Variants in SOD1 observed in about 807,000 individuals in gnomAD.
SOD1 encodes superoxide dismutase [Cu-Zn].
SOD1 carries 8 observed loss-of-function variants against 15.9 expected under a neutral mutation model. That is an observed-to-expected ratio of 0.50 (90% CI 0.30 to 0.91). The LOEUF is 0.91. SOD1 is among the 40% of genes least tolerant of loss of function. The pLI, the probability that SOD1 is intolerant of heterozygous loss-of-function variation, is 0.07. For missense variants in SOD1, 137 were observed against 194.5 expected, an observed-to-expected ratio of 0.70 and a Z score of 1.76; for synonymous variants, 86 against 71.2, an observed-to-expected ratio of 1.21 and a Z score of -1.04.
At chr21:31,666,883 C>T (rs374759511) in intron 3 of SOD1, 12 of 384,796 alleles carry the variant, frequency 3.1e-5, no homozygotes, top group African/African-American at 2.4e-4. Context: ...AAAATTGATA[C>T]TGAAAACTAG....
At chr21:31,663,723 G>A (rs2049568643) in intron 1 of SOD1, 67 bp from the exon 2 acceptor site, 2 of 1,234,574 alleles carry the variant, frequency 1.6e-6, no homozygotes. Flanking sequence ...TTCACTGTGA[G>A]GGGTAAAGGT....
intron 2 of SOD1, among the ~76,000 whole-genome samples, chr21:31,665,104 A>G (rs2049582016): frequency 6.6e-6 from 1 of 152,198 alleles, no homozygotes. Flanking sequence ...GTGGGACCAA[A>G]GTATGATACA....
intron 2 of SOD1, among the ~76,000 whole-genome samples, chr21:31,665,273 A>C (rs1398803699): frequency 6.6e-6 from 1 of 152,236 alleles, no homozygotes; most frequent in Non-Finnish European, 1.5e-5. Flanking sequence ...AAGCAAGTTA[A>C]CAGAAGTTTA....
rs1399270271 is a variant in SOD1, at chr21:31,661,073, C to T, written c.72+1232C>T. ...TGTCCCCAGAACCTTAGTGAAGTTACCAACTGGTGGAAAATTTTCTCTTGC... is the reference window on the plus strand; with the variant it reads ...TGTCCCCAGAACCTTAGTGAAGTTATCAACTGGTGGAAAATTTTCTCTTGC... On this transcript the variant is annotated intron_variant, in intron 1 of 4. Transcript: ENST00000270142. Among the ~76,000 whole-genome samples the T allele has an allele frequency of 5.3e-5, 8 of 152,242 alleles. No homozygotes were observed. In the East Asian group the frequency reaches 1.5e-3, roughly 29 times the overall value.
At position 31,659,854 on chromosome 21, in the gene SOD1, A is replaced by G. The variant is rs754347852; in HGVS notation, c.72+13A>G. 12 of 1,612,064 alleles carry G rather than the reference A, an allele frequency of 7.4e-6. No individual in the cohort carries two copies. The highest frequency in any genetic ancestry group is 7.6e-6 in the Non-Finnish European group (9 of 1,179,348). Reference sequence around the variant, plus strand: ...TTTCGAGCAGAAGGCAAGGGCTGGGACGGAGGCTTGTTTGCGAGGCCGCTC... The same window carrying G: ...TTTCGAGCAGAAGGCAAGGGCTGGGGCGGAGGCTTGTTTGCGAGGCCGCTC... On this transcript the variant is annotated intron_variant, in intron 1 of 4. Transcript: ENST00000270142.
At chr21:31,663,916 AC>A in intron 2 of SOD1, 30 bp downstream of exon 2, 5 of 1,496,314 alleles carry the variant, frequency 3.3e-6, no homozygotes, top group Non-Finnish European at 4.7e-6. Flanking sequence ...GGTGACCCAT[AC>A]TTGTTCACCC....
intron 3 of SOD1, 72 bp downstream of exon 3, chr21:31,666,590 T>C (rs766860898): frequency 1.1e-5 from 12 of 1,115,706 alleles, no homozygotes; most frequent in Non-Finnish European, 1.6e-5. Flanking sequence ...TACTTGTAAA[T>C]ATGTGCTAAG....
chr21:31,668,021 A>G (rs2049611870), intron 4 of SOD1, among the ~76,000 whole-genome samples: 1 of 152,118 alleles, frequency 6.6e-6, no homozygotes, highest in African/African-American at 2.4e-5. Flanking sequence ...TGCTTAAAGT[A>G]TTAAGATTTT....
chr21:31,659,889 C>T (rs540569412), intron 1 of SOD1, 48 bp downstream of exon 1: 87 of 1,576,052 alleles, frequency 5.5e-5, no homozygotes, highest in African/African-American at 1.2e-4. Context: ...CCCACCCGCT[C>T]GTCCCCCCGC....
intron 3 of SOD1, 149 bp from the exon 4 acceptor site, chr21:31,667,109 T>C: frequency 1.4e-6 from 1 of 692,404 alleles, no homozygotes; most frequent in South Asian, 1.6e-5. Context: ...TGTGTAGACG[T>C]GAAGCCTTGT....
chr21:31,659,787 G>A lies in SOD1; in HGVS notation c.18G>A (p.Val6=). Residue 6 remains valine, a synonymous_variant, in exon 1 of 5, where the codon GTG becomes GTA. Coordinates refer to ENST00000270142, the MANE Select transcript of SOD1 (RefSeq NM_000454.5). ...AGCGAGTTATGGCGACGAAGGCCGT[G>A]TGCGTGCTGAAGGGCGACGGCCCAG... MATKA[V]CVLKGDGPVQ... is the part of the protein sequence containing the mutation. The A allele has an allele frequency of 6.2e-7, 1 of 1,613,946 alleles. No individual in the cohort carries two copies.
chr21:31,664,731 GCCTCAGCC>G (rs754047065), intron 2 of SOD1, among the ~76,000 whole-genome samples: 40 of 152,004 alleles, frequency 2.6e-4, no homozygotes, highest in Non-Finnish European at 4.9e-4. Flanking sequence ...CCATTCTCCT[GCCTCAGCC>G]CCCTGAGTAG....
In SOD1 at chr21:31,668,561, A is replaced by G. The variant is rs1169917994; in HGVS notation, c.448A>G (p.Ile150Val). 2 of 1,613,636 alleles carry G rather than the reference A, an allele frequency of 1.2e-6. No individual in the cohort carries two copies. The highest frequency in any genetic ancestry group is 1.7e-6 in the Non-Finnish European group (2 of 1,179,516). ...TGGAAGTCGTTTGGCTTGTGGTGTA[A>G]TTGGGATCGCCCAATAAACATTCCC... Reference protein sequence around the residue: ...NAGSRLACGVIGIAQ With the variant: ...NAGSRLACGVVGIAQ Residue 150 changes from isoleucine to valine, a missense_variant, in exon 5 of 5, where the codon ATT becomes GTT. Coordinates refer to ENST00000270142, the MANE Select transcript of SOD1 (RefSeq NM_000454.5).
intron 3 of SOD1, 194 bp from the exon 4 acceptor site, chr21:31,667,064 C>A: frequency 6.5e-6 from 4 of 619,872 alleles, no homozygotes; most frequent in Admixed American, 5.1e-5. Flanking sequence ...CTTCTGAAAT[C>A]AGGTGCAGCC....
At chr21:31,666,895 C>T (rs904013781) in intron 3 of SOD1, 3 of 390,812 alleles carry the variant, frequency 7.7e-6, no homozygotes, top group African/African-American at 4.1e-5. Context: ...GAAAACTAGT[C>T]GAGACTCCAT....
intron 2 of SOD1, among the ~76,000 whole-genome samples, chr21:31,664,742 C>T (rs1393022301): frequency 1.3e-5 from 2 of 152,052 alleles, no homozygotes; most frequent in Admixed American, 6.6e-5. Context: ...CCTCAGCCCC[C>T]TGAGTAGCTG....
chr21:31,660,057 G>C (rs1461555655), intron 1 of SOD1: 2 of 265,280 alleles, frequency 7.5e-6, no homozygotes, highest in Non-Finnish European at 1.4e-5. Context: ...GCGTGGGACC[G>C]AGGCCGCCGC....
intron 4 of SOD1, 38 bp downstream of exon 4, chr21:31,667,413 TAACA>T (rs1568810879): frequency 2.3e-6 from 3 of 1,310,598 alleles, no homozygotes; most frequent in South Asian, 2.4e-5. Flanking sequence ...AAACTTCTTC[TAACA>T]TACAGTCATG....
chr21:31,663,777 A>C lies in SOD1; in HGVS notation c.73-13A>C. 6.3e-7 allele frequency: 1 copy of C among 1,594,286 alleles called. No individual in the cohort carries two copies. Among genetic ancestry groups the C allele is most frequent in the African/African-American group, 1.3e-5 (1 of 74,642 alleles). On this transcript the variant is annotated splice_polypyrimidine_tract_variant and intron_variant, in intron 1 of 4. Transcript: ENST00000270142. The stretch of plus-strand genomic sequence containing the variant: ...GTTCAGAAACTCTCTCCAACTTTGC[A>C]CTTTTCTTAAAGGAAAGTAATGGAC...
Sources: gnomAD v4.1 joint callset for allele counts (sites outside exome capture counted in the v4.1 genomes callset) on GRCh38, gnomAD v4.1.1 for gene constraint, MANE v1.5 for transcripts, NCBI Gene and HGNC (gene_info 2026-07-23, HGNC 2026-07-21) for gene names.